RASGRF1: variants seen among roughly 807,000 people sequenced by gnomAD.
RASGRF1 encodes ras-specific guanine nucleotide-releasing factor 1.
RASGRF1 carries 40 observed loss-of-function variants against 138.7 expected under a neutral mutation model. The observed-to-expected ratio is 0.29, with a 90% CI of 0.22 to 0.38. The LOEUF (loss-of-function observed/expected upper bound fraction) is 0.38. RASGRF1 is among the 10% of genes least tolerant of loss of function. The pLI is 1.00. For synonymous variants in RASGRF1, 614 were observed against 663.2 expected (o/e 0.93, Z 1.14); for missense variants, 1,108 against 1,650.4 (o/e 0.67, Z 5.69).
At chr15:79,064,363 G>A in intron 2 of RASGRF1, 57 bp downstream of exon 2, 1 of 1,532,092 alleles carries the variant, frequency 6.5e-7, no homozygotes, top group South Asian at 1.1e-5. Flanking sequence ...CTTGGGTCTG[G>A]TCTTTTCTGC....
In RASGRF1 at chr15:79,013,603, A is replaced by C. The variant is rs141608258; in HGVS notation, c.1826+1724T>G. On this transcript the variant is annotated intron_variant, in intron 13 of 26. Coordinates refer to ENST00000558480, the MANE Select transcript of RASGRF1 (RefSeq NM_001145648.3). ...CCCAGATGATTGTTCTGGCAACAGCAACATGGCCCAGATGGGAGCAGAGTC... is the reference window on the plus strand; with the variant it reads ...CCCAGATGATTGTTCTGGCAACAGCCACATGGCCCAGATGGGAGCAGAGTC... Among the ~76,000 whole-genome samples the C allele has an allele frequency of 2.6e-3, 397 of 152,380 alleles. 1 individual carries two copies. Among genetic ancestry groups the C allele is most frequent in the African/African-American group, 8.9e-3 (369 of 41,588 alleles).
At chr15:79,043,765 G>A (rs1051774714) in intron 5 of RASGRF1, among the ~76,000 whole-genome samples, 2 of 152,214 alleles carry the variant, frequency 1.3e-5, no homozygotes, top group East Asian at 1.9e-4. Flanking sequence ...TTTGTTCTAG[G>A]CAGGCATGCA....
Position 79,032,907 on chromosome 15 carries a change from CTCCG to C in RASGRF1, c.959-595_959-592del, listed in dbSNP as rs1169800448. The stretch of plus-strand genomic sequence containing the variant: ...AAGAGGCCACCCTCCCTCCTGCAGT[CTCCG>C]TCCTGAGACAGAAGTGGCCTATCTG... On this transcript the variant is annotated intron_variant, in intron 6 of 26. Transcript: ENST00000558480. This position sits in a 1 kb window ranked among gnomAD's most constrained non-coding sequence, Gnocchi z 4.5. Among the ~76,000 whole-genome samples, 3 of 152,338 alleles carry C rather than the reference CTCCG, an allele frequency of 2.0e-5. No homozygotes were observed. In the East Asian group the frequency reaches 5.8e-4, roughly 29 times the overall value.
At chr15:79,015,185 G>A (rs1392511447) in intron 13 of RASGRF1, 142 bp downstream of exon 13, 31 of 717,102 alleles carry the variant, frequency 4.3e-5, no homozygotes, top group Middle Eastern at 5.5e-4. Context: ...AAACAAACAA[G>A]AAAACATCCA....
intron 1 of RASGRF1, among the ~76,000 whole-genome samples, chr15:79,066,154 G>A (rs916794092): frequency 5.9e-5 from 9 of 152,016 alleles, no homozygotes; most frequent in African/African-American, 9.7e-5. Context: ...CCCATCTCTC[G>A]AGAGATGATG....
Position 79,045,599 on chromosome 15 carries a change from A to G in RASGRF1, c.878+1147T>C, listed in dbSNP as rs547228778. On this transcript the variant is annotated intron_variant, in intron 5 of 26. Coordinates refer to ENST00000558480, the MANE Select transcript of RASGRF1 (RefSeq NM_001145648.3). Reference sequence around the variant, plus strand: ...CTCTTTCCTTCTCTCTCTGTCCCCCATATTCTGATGGCTTGCCCACATCTA... The same window carrying G: ...CTCTTTCCTTCTCTCTCTGTCCCCCGTATTCTGATGGCTTGCCCACATCTA... Among the ~76,000 whole-genome samples, 7 of 152,182 alleles carry G rather than the reference A, an allele frequency of 4.6e-5. No individual in the cohort carries two copies. In the East Asian group the frequency reaches 1.4e-3, roughly 29 times the overall value.
At chr15:79,012,437 T>C (rs2056814252) in intron 13 of RASGRF1, 2 of 1,283,228 alleles carry the variant, frequency 1.6e-6, no homozygotes, top group Non-Finnish European at 2.2e-6. Flanking sequence ...AATCTCTCTA[T>C]GTCTCTCTCT....
intron 4 of RASGRF1, among the ~76,000 whole-genome samples, chr15:79,047,618 G>A (rs991394603): frequency 4.6e-5 from 7 of 152,220 alleles, no homozygotes; most frequent in Non-Finnish European, 2.9e-5. Flanking sequence ...CCTGCCTGGA[G>A]CCTCTCCTCC....
chr15:78,993,350 GTGGTGTGTGTT>G (rs1487452471), intron 20 of RASGRF1, among the ~76,000 whole-genome samples: 1 of 98,830 alleles, frequency 1.0e-5, no homozygotes, highest in Non-Finnish European at 2.3e-5. Flanking sequence ...GTATGTGTGT[GTGGTGTGTGTT>G]TGGTGTGTGT....
chr15:78,990,260 G>A lies in RASGRF1; in HGVS notation c.3145C>T (p.Gln1049Ter), dbSNP rs2056241251. The change falls in exon 22 of 27, where the codon CAA becomes TAA. Residue 1049 changes from glutamine to a stop codon, truncating the protein, a stop_gained. Transcript: ENST00000558480. LOFTEE classifies it high-confidence loss of function. ...TTCTTTTCCAGTTTCATCCATCCTT[G>A]TCCGAAGAACTCCCTGTAGGAAGTA... ...KKIPYEEFFG[Q>*]GWMKLEKNER... 1 of 1,607,698 alleles carries A rather than the reference G, an allele frequency of 6.2e-7. No homozygotes were observed. The highest frequency in any genetic ancestry group is 1.7e-5 in the Admixed American group (1 of 60,000).
chr15:79,046,643 T>C lies in RASGRF1; in HGVS notation c.878+103A>G. The C allele has an allele frequency of 6.5e-7, 1 of 1,543,726 alleles. No individual in the cohort carries two copies. The highest frequency in any genetic ancestry group is 2.3e-5 in the East Asian group (1 of 44,124). On this transcript the variant is annotated intron_variant, in intron 5 of 26. Coordinates refer to ENST00000558480, the MANE Select transcript of RASGRF1 (RefSeq NM_001145648.3). This position sits in a 1 kb window ranked among gnomAD's most constrained non-coding sequence, Gnocchi z 5.3. Reference sequence around the variant, plus strand: ...GCACTTCTGTCCTCTCTGGGCCTCATCTGCACTCGGTGGGAACCACGTGAG... The same window carrying C: ...GCACTTCTGTCCTCTCTGGGCCTCACCTGCACTCGGTGGGAACCACGTGAG...
At position 79,006,520 on chromosome 15, in the gene RASGRF1, CCA is replaced by C; in HGVS notation, c.1827-88_1827-87del. 1 of 1,467,070 alleles carries C rather than the reference CCA, an allele frequency of 6.8e-7. No individual in the cohort carries two copies. The highest frequency in any genetic ancestry group is 9.2e-7 in the Non-Finnish European group (1 of 1,083,004). 90.9% of individuals were successfully genotyped at this position (1,467,070 alleles called of 1,614,324 possible). On this transcript the variant is annotated intron_variant, in intron 13 of 26. Coordinates refer to ENST00000558480, the MANE Select transcript of RASGRF1 (RefSeq NM_001145648.3). The surrounding 1 kb of genome is among the most constrained non-coding windows in gnomAD (Gnocchi z 4.0). ...CCAGGCCTGCTCATCACTGCTTCCC[CCA>C]CACACTGACAACACAGGATGGTCTT...
At chr15:78,994,035 T>A (rs537546524) in intron 20 of RASGRF1, among the ~76,000 whole-genome samples, 1 of 152,300 alleles carries the variant, frequency 6.6e-6, no homozygotes, top group South Asian at 2.1e-4. Flanking sequence ...AGCTGTTTGT[T>A]CTGGAAGAAC....
chr15:79,075,961 C>A (rs902048337), intron 1 of RASGRF1, among the ~76,000 whole-genome samples: 1 of 152,176 alleles, frequency 6.6e-6, no homozygotes, highest in Non-Finnish European at 1.5e-5. Flanking sequence ...AGTCATTTCT[C>A]GTTCATTAAT....
chr15:79,022,442 A>G (rs961738832), intron 10 of RASGRF1, among the ~76,000 whole-genome samples: 1 of 152,036 alleles, frequency 6.6e-6, no homozygotes, highest in African/African-American at 2.4e-5. Flanking sequence ...CTCCACCTCA[A>G]AAACAAACAA....
intron 1 of RASGRF1, among the ~76,000 whole-genome samples, chr15:79,065,482 A>T (rs897337452): frequency 6.6e-6 from 1 of 152,008 alleles, no homozygotes; most frequent in African/African-American, 2.4e-5. Context: ...GACAAAGCCC[A>T]GGTTTCAGGT....
intron 14 of RASGRF1, chr15:79,005,433 G>T: frequency 1.0e-6 from 1 of 985,388 alleles, no homozygotes; most frequent in Non-Finnish European, 1.2e-6. Context: ...CTGAGGGCTG[G>T]GATGGGCTGT....
In RASGRF1 at chr15:79,032,076, C is replaced by A. The variant is rs776768996; in HGVS notation, c.1152+47G>T. ...CCCCACCGCCATGGTCCATCCCCCA[C>A]ACCTGCCTCCCTGACTCTACCCCAC... On this transcript the variant is annotated intron_variant, in intron 7 of 26. Coordinates refer to ENST00000558480, the MANE Select transcript of RASGRF1 (RefSeq NM_001145648.3). This position sits in a 1 kb window ranked among gnomAD's most constrained non-coding sequence, Gnocchi z 4.5. 2 of 1,578,876 alleles carry A rather than the reference C, an allele frequency of 1.3e-6. No individual in the cohort carries two copies. Among genetic ancestry groups the A allele is most frequent in the Non-Finnish European group, 1.7e-6 (2 of 1,160,470 alleles).
rs187402990 is a variant in RASGRF1 at position 78,989,161 on chromosome 15, A to C, written c.3216+1028T>G. On this transcript the variant is annotated intron_variant, in intron 22 of 26. Transcript: ENST00000558480. ...AGGCTCTGGGACCTGTCTGCCCCCC[A>C]GTTCTCTGCTGCTCCCATGTTTCTC... is the stretch of plus-strand genomic sequence containing the variant. 6.8e-3 allele frequency among the ~76,000 whole-genome samples: 1,031 copies of C among 152,212 alleles called. 14 individuals are homozygous for C. Among genetic ancestry groups the C allele is most frequent in the African/African-American group, 0.024 (983 of 41,514 alleles).
Sources: allele counts gnomAD v4.1 joint callset (sites outside exome capture counted in the v4.1 genomes callset), GRCh38; gene constraint gnomAD v4.1.1; non-coding constraint Gnocchi (gnomAD v3.1); transcripts MANE v1.5; gene names NCBI Gene and HGNC (gene_info 2026-07-23, HGNC 2026-07-21).